The following HECTD2 variants were observed in gnomAD, a reference collection of about 807,000 sequenced individuals.
HECTD2 encodes the protein probable E3 ubiquitin-protein ligase HECTD2.
HECTD2 carries 35 observed loss-of-function variants against 103.2 expected under a neutral mutation model. That is an observed-to-expected ratio of 0.34 (90% confidence interval 0.26 to 0.45). The LOEUF (loss-of-function observed/expected upper bound fraction) is 0.45. HECTD2 is among the 20% of genes least tolerant of loss of function. HECTD2 has a pLI of 1.00. For synonymous variants in HECTD2, 281 were observed against 329.9 expected, an observed-to-expected ratio of 0.85 and a Z score of 1.61; for missense variants, 596 against 937.4, an observed-to-expected ratio of 0.64 and a Z score of 4.76.
chr10:91,454,661 C>T (rs1048802788), intron 2 of HECTD2, among the ~76,000 whole-genome samples: 22 of 151,838 alleles, frequency 1.4e-4, no homozygotes, highest in Non-Finnish European at 2.4e-4. Context: ...TGTTGGTGTG[C>T]TGCACCCATT....
At chr10:91,475,163 T>A (rs1845859100) in intron 5 of HECTD2, among the ~76,000 whole-genome samples, 2 of 152,212 alleles carry the variant, frequency 1.3e-5, no homozygotes, top group Non-Finnish European at 1.5e-5. Context: ...TCTCTCTAGA[T>A]GCTTAGCAGA....
At chr10:91,421,576 C>G (rs1251301644) in intron 1 of HECTD2, among the ~76,000 whole-genome samples, 2 of 152,194 alleles carry the variant, frequency 1.3e-5, no homozygotes, top group Non-Finnish European at 2.9e-5. Context: ...TCAAAGCCAT[C>G]CTGGGCTGCA....
intron 14 of HECTD2, 41 bp downstream of exon 14, chr10:91,493,549 G>C (rs1250739353): frequency 1.9e-6 from 2 of 1,043,994 alleles, no homozygotes; most frequent in Non-Finnish European, 1.4e-6. Flanking sequence ...TAATAGATTA[G>C]AGATTTTTAA....
chr10:91,450,156 A>G (rs12255064), intron 2 of HECTD2, among the ~76,000 whole-genome samples: 30,507 of 152,124 alleles, frequency 0.2, 7,272 homozygotes, highest in African/African-American at 0.58. Flanking sequence ...AGAATAGCAC[A>G]GTACTGGTAC....
chr10:91,459,068 T>TA (rs1173533597), intron 2 of HECTD2, among the ~76,000 whole-genome samples: 2 of 151,950 alleles, frequency 1.3e-5, no homozygotes, highest in Non-Finnish European at 2.9e-5. Flanking sequence ...GCAAAAGATG[T>TA]AAAGAGACAT....
chr10:91,427,060 C>T (rs1174638548), intron 2 of HECTD2, among the ~76,000 whole-genome samples: 2 of 135,386 alleles, frequency 1.5e-5, no homozygotes, highest in Non-Finnish European at 3.1e-5. Context: ...TCCATGTGTT[C>T]TCATTGTTCA....
At chr10:91,504,148 A>C (rs1234811914) in intron 20 of HECTD2, among the ~76,000 whole-genome samples, 1 of 152,134 alleles carries the variant, frequency 6.6e-6, no homozygotes, top group African/African-American at 2.4e-5. Context: ...ATCAAAGACC[A>C]AAAGTAGATA....
chr10:91,457,703 T>C (rs1357440840), intron 2 of HECTD2, among the ~76,000 whole-genome samples: 1 of 152,066 alleles, frequency 6.6e-6, no homozygotes, highest in Non-Finnish European at 1.5e-5. Context: ...TTTTATGTAG[T>C]TGTGAAAGAC....
chr10:91,497,998 A>G (rs1040317522), intron 15 of HECTD2, 110 bp from the exon 16 acceptor site: 5 of 697,524 alleles, frequency 7.2e-6, no homozygotes, highest in African/African-American at 7.1e-5. Flanking sequence ...TGGAAAATAC[A>G]TGTCAAATAT....
At chr10:91,452,723 CA>C (rs544111946) in intron 2 of HECTD2, among the ~76,000 whole-genome samples, 5 of 149,638 alleles carry the variant, frequency 3.3e-5, no homozygotes, top group African/African-American at 7.4e-5. Context: ...TGCAGCACCT[CA>C]AAAAAAAAGG....
chr10:91,461,027 A>G (rs1227398533), intron 3 of HECTD2, among the ~76,000 whole-genome samples: 4 of 152,204 alleles, frequency 2.6e-5, no homozygotes, highest in Admixed American at 2.6e-4. Flanking sequence ...ATTGAGCGAC[A>G]TGTTAAGGAT....
intron 20 of HECTD2, among the ~76,000 whole-genome samples, chr10:91,502,975 A>T (rs1282257240): frequency 6.6e-6 from 1 of 152,218 alleles, no homozygotes; most frequent in Non-Finnish European, 1.5e-5. Flanking sequence ...GTATGCCTCA[A>T]AAGACAAGGA....
At chr10:91,410,775 A>T (rs892995747) in intron 1 of HECTD2, among the ~76,000 whole-genome samples, 199 bp downstream of exon 1, 1 of 152,168 alleles carries the variant, frequency 6.6e-6, no homozygotes. Flanking sequence ...TTCGCGAGGT[A>T]CACCTACCAC....
At chr10:91,459,057 G>C (rs1201418379) in intron 2 of HECTD2, among the ~76,000 whole-genome samples, 1 of 151,906 alleles carries the variant, frequency 6.6e-6, no homozygotes, top group Non-Finnish European at 1.5e-5. Flanking sequence ...TCAGAACACA[G>C]GCAAAAGATG....
chr10:91,491,761 G>A lies in HECTD2; in HGVS notation c.1299+454G>A, dbSNP rs527978254. Among the ~76,000 whole-genome samples, 4 of 152,238 alleles carry A rather than the reference G, an allele frequency of 2.6e-5. No individual in the cohort carries two copies. In the East Asian group the frequency reaches 7.7e-4, roughly 29 times the overall value. On this transcript the variant is annotated intron_variant, in intron 12 of 20. Coordinates refer to ENST00000298068, the MANE Select transcript of HECTD2 (RefSeq NM_182765.6). ...TAACATACTTTGATTGCATTTTCAT[G>A]TATTATCATAAAAAATGCTTCAGCT...
chr10:91,427,335 G>C (rs1427139063), intron 2 of HECTD2, among the ~76,000 whole-genome samples: 1 of 151,958 alleles, frequency 6.6e-6, no homozygotes, highest in Non-Finnish European at 1.5e-5. Flanking sequence ...CTTTATAGCA[G>C]CATGATTTAT....
chr10:91,508,808 TA>T (rs1847301452), intron 20 of HECTD2, among the ~76,000 whole-genome samples: 1 of 151,982 alleles, frequency 6.6e-6, no homozygotes, highest in African/African-American at 2.4e-5. Flanking sequence ...CATGCTGCTA[TA>T]AAGACACAGG....
intron 2 of HECTD2, among the ~76,000 whole-genome samples, chr10:91,427,186 T>G (rs528292460): frequency 6.6e-6 from 1 of 151,860 alleles, no homozygotes; most frequent in Non-Finnish European, 1.5e-5. Context: ...GAACTCATCA[T>G]TTTTTATGGC....
chr10:91,417,004 C>T (rs1322118944), intron 1 of HECTD2, among the ~76,000 whole-genome samples: 1 of 152,144 alleles, frequency 6.6e-6, no homozygotes, highest in Non-Finnish European at 1.5e-5. Flanking sequence ...AGAGTAGCAA[C>T]TTCTTTTGGC....
Sources: allele counts gnomAD v4.1 joint callset (sites outside exome capture counted in the v4.1 genomes callset), GRCh38; gene constraint gnomAD v4.1.1; transcripts MANE v1.5; gene names NCBI Gene and HGNC (gene_info 2026-07-23, HGNC 2026-07-21).